HERC1: variants seen among roughly 807,000 people sequenced by gnomAD.
HERC1 encodes the protein HECT and RLD domain containing E3 ubiquitin protein ligase family member 1, also known as probable E3 ubiquitin-protein ligase HERC1.
A neutral mutation model predicts 554.3 loss-of-function variants in HERC1; 160 were observed. The observed-to-expected ratio is 0.29, with a 90% CI of 0.25 to 0.33. The LOEUF (loss-of-function observed/expected upper bound fraction) is 0.33. HERC1 is among the 10% of genes least tolerant of loss of function. HERC1 has a pLI of 1.00. For missense variants in HERC1, 4,919 were observed against 5,918.5 expected (o/e 0.83, Z 5.54); for synonymous variants, 2,175 against 2,131.7 (o/e 1.02, Z -0.56).
chr15:63,671,203 C>CAAAAAAA (rs371521135), intron 39 of HERC1, among the ~76,000 whole-genome samples: 1 of 123,456 alleles, frequency 8.1e-6, no homozygotes, highest in Non-Finnish European at 1.7e-5. Flanking sequence ...AACTTTGTCT[C>CAAAAAAA]AAAAAAAAAA....
At chr15:63,826,814 A>T (rs28454572) in intron 1 of HERC1, among the ~76,000 whole-genome samples, 1,429 of 19,666 alleles carry the variant, frequency 0.073, 99 homozygotes, top group African/African-American at 0.1. Flanking sequence ...AAAAAAAAAA[A>T]ATATATATAT....
Position 63,608,797 on chromosome 15 carries a change from A to C in HERC1, c.*284T>G, listed in dbSNP as rs2067473172. 2.7e-5 allele frequency: 7 copies of C among 261,438 alleles called. No homozygotes were observed. The East Asian group carries it at 5.9e-4, about 22-fold the overall frequency. The allele number at this position is 261,438 out of a possible 1,614,324, so 16.2% of individuals were successfully genotyped here. On this transcript the variant is annotated 3_prime_UTR_variant, in exon 78 of 78. Transcript: ENST00000443617. ...TACAAAAATGTACCATTCCCAACTA[A>C]AAATGCACCAAAATGGTTTCATGCA... is the stretch of plus-strand genomic sequence containing the variant.
chr15:63,749,777 G>T lies in HERC1; in HGVS notation c.1917C>A (p.Gly639=). The T allele has an allele frequency of 6.4e-7, 1 of 1,572,648 alleles. No homozygotes were observed. The highest frequency in any genetic ancestry group is 2.3e-5 in the East Asian group (1 of 42,982). The change falls in exon 9 of 78, where the codon GGC becomes GGA. Residue 639 remains glycine (G), a synonymous_variant. Coordinates refer to ENST00000443617, the MANE Select transcript of HERC1 (RefSeq NM_003922.4). The surrounding 1 kb of genome is among the most constrained non-coding windows in gnomAD (Gnocchi z 4.1). ...AACCACAACCTAGACAAGCTCCACA[G>T]CCCCAAGCATAGACCTGAAAAAAAC... ...LTSTGQVYAW[G]CGACLGCGSS...
chr15:63,806,171 T>TC (rs1775320137), intron 1 of HERC1, among the ~76,000 whole-genome samples: 1 of 152,036 alleles, frequency 6.6e-6, no homozygotes, highest in Admixed American at 6.6e-5. Context: ...AGTGGTTTTT[T>TC]TTTTTTCTCT....
In HERC1 at chr15:63,718,121, C is replaced by CATAT. The variant is rs1555427722; in HGVS notation, c.3978+452_3978+453insATAT. Reference sequence around the variant, plus strand: ...ACACACACACACACACACACACACACACAACCCCCTCCTTGGTTTTCACTT... The same window carrying CATAT: ...ACACACACACACACACACACACACACATATACAACCCCCTCCTTGGTTTTCACTT... On this transcript the variant is annotated intron_variant, in intron 21 of 77. Transcript: ENST00000443617. This position sits in a 1 kb window ranked among gnomAD's most constrained non-coding sequence, Gnocchi z 4.2. Among the ~76,000 whole-genome samples the CATAT allele has an allele frequency of 7.0e-6, 1 of 142,970 alleles. No homozygotes were observed. The highest frequency in any genetic ancestry group is 1.5e-5 in the Non-Finnish European group (1 of 65,130). 93.8% of individuals were successfully genotyped at this position (142,970 alleles called of 152,430 possible).
In HERC1 at chr15:63,656,503, T is replaced by C. The variant is rs929210061; in HGVS notation, c.9600-145A>G. ...CATTAGCCATACATGTCCTAAGAGT[T>C]GCCAAAGGTATCAAGCTGGAAACTG... On this transcript the variant is annotated intron_variant, in intron 48 of 77. Transcript: ENST00000443617. The C allele has an allele frequency of 8.3e-6, 6 of 724,430 alleles. No homozygotes were observed. The African/African-American group carries it at 8.9e-5, about 11-fold the overall frequency. The allele number at this position is 724,430 out of a possible 1,614,324, so 44.9% of individuals were successfully genotyped here. A position where few individuals can be genotyped will look rare whatever the true frequency, so the allele number is the denominator to read the frequency against.
rs1350485005 is a variant in HERC1, at chr15:63,612,681, C to T, written c.14095-125G>A. The T allele has an allele frequency of 1.1e-6, 1 of 872,374 alleles. No individual in the cohort carries two copies. Among genetic ancestry groups the T allele is most frequent in the African/African-American group, 1.7e-5 (1 of 59,148 alleles). The allele number at this position is 872,374 out of a possible 1,614,324, so 54.0% of individuals were successfully genotyped here. On this transcript the variant is annotated intron_variant, in intron 76 of 77. Transcript: ENST00000443617. The surrounding 1 kb of genome is among the most constrained non-coding windows in gnomAD (Gnocchi z 5.0). ...CTCCCCAGACCCTCTACTTGTTTCT[C>T]AGACCGCCAGGCACGAGAGTCAGTC...
chr15:63,738,357 A>T (rs1419357415), intron 12 of HERC1, among the ~76,000 whole-genome samples: 1 of 152,238 alleles, frequency 6.6e-6, no homozygotes, highest in Non-Finnish European at 1.5e-5. Context: ...CCTGCAACAA[A>T]ACAAGGACAT....
chr15:63,661,749 G>C lies in HERC1; in HGVS notation c.9170+4C>G. Reference sequence around the variant, plus strand: ...GTCTGGATATCTACACAATTTCAAGGTACCTTTCAGAACTTGTTGACTTAG... The same window carrying C: ...GTCTGGATATCTACACAATTTCAAGCTACCTTTCAGAACTTGTTGACTTAG... On this transcript the variant is annotated splice_donor_region_variant and intron_variant, in intron 45 of 77. Coordinates refer to ENST00000443617, the MANE Select transcript of HERC1 (RefSeq NM_003922.4). The C allele has an allele frequency of 6.2e-7, 1 of 1,613,526 alleles. No individual in the cohort carries two copies. Among genetic ancestry groups the C allele is most frequent in the Non-Finnish European group, 8.5e-7 (1 of 1,179,552 alleles).
intron 14 of HERC1, among the ~76,000 whole-genome samples, chr15:63,732,060 G>A (rs2074319710): frequency 1.3e-5 from 2 of 152,128 alleles, no homozygotes; most frequent in African/African-American, 4.8e-5. Flanking sequence ...GGAGTGCAGT[G>A]GTGCGACCTC....
chr15:63,652,420 T>C lies in HERC1; in HGVS notation c.10412A>G (p.Asn3471Ser), dbSNP rs2152894551. ...ACGTGATGTTAGCACTCACAATCTG[T>C]TGAACACACAGGTCTGTTGCAGTGA... ...QYSLQQTCVF[N>S]RLEGDAEESL... is the part of the protein sequence containing the mutation. The change falls in exon 52 of 78, where the codon AAC (asparagine) becomes AGC (serine). Residue 3471 changes from asparagine (N) to serine (S), a missense_variant. Coordinates refer to ENST00000443617, the MANE Select transcript of HERC1 (RefSeq NM_003922.4). 1 of 1,612,664 alleles carries C rather than the reference T, an allele frequency of 6.2e-7. No homozygotes were observed. Among genetic ancestry groups the C allele is most frequent in the Admixed American group, 1.7e-5 (1 of 59,964 alleles).
rs75081493 is a variant in HERC1 at position 63,786,620 on chromosome 15, C to T, written c.-26-10971G>A. ...CATGCTATAATTTGAGCCTTGTAAA[C>T]ATTCTGCCAATTGAAAGATGCCAGA... On this transcript the variant is annotated intron_variant, in intron 1 of 77. Transcript: ENST00000443617. Among the ~76,000 whole-genome samples, 1,125 of 152,264 alleles carry T rather than the reference C, an allele frequency of 7.4e-3. 14 individuals are homozygous for T. Among genetic ancestry groups the T allele is most frequent in the African/African-American group, 0.026 (1,083 of 41,552 alleles).
At position 63,758,243 on chromosome 15, in the gene HERC1, A is replaced by C. The variant is rs2142111708; in HGVS notation, c.1153T>G (p.Leu385Val). 1 of 1,613,888 alleles carries C rather than the reference A, an allele frequency of 6.2e-7. No homozygotes were observed. The highest frequency in any genetic ancestry group is 8.5e-7 in the Non-Finnish European group (1 of 1,179,810). Residue 385 changes from leucine to valine, a missense_variant, in exon 4 of 78, where the codon TTG becomes GTG. Leu to Val is a conservative substitution (Grantham distance 32, BLOSUM62 1). Transcript: ENST00000443617. The surrounding 1 kb of genome is among the most constrained non-coding windows in gnomAD (Gnocchi z 4.0). Reference sequence around the variant, plus strand: ...ATTTTCTCCTGTGTACCTTCTACCAACTGATGGCTGCTATTGCTCCCCCAA... The same window carrying C: ...ATTTTCTCCTGTGTACCTTCTACCACCTGATGGCTGCTATTGCTCCCCCAA... ...YVWGSNSSHQLVEGTQEKILQ... is the reference protein window; with the variant it reads ...YVWGSNSSHQVVEGTQEKILQ...
In HERC1 at chr15:63,734,011, A is replaced by G. The variant is rs535589663; in HGVS notation, c.2646+713T>C. 6.6e-6 allele frequency among the ~76,000 whole-genome samples: 1 copy of G among 151,988 alleles called. No homozygotes were observed. Among genetic ancestry groups the G allele is most frequent in the Non-Finnish European group, 1.5e-5 (1 of 67,998 alleles). On this transcript the variant is annotated intron_variant, in intron 13 of 77. Transcript: ENST00000443617. The surrounding 1 kb of genome is among the most constrained non-coding windows in gnomAD (Gnocchi z 4.6). ...GACCCCACCGCTATAAAAATAAGAA[A>G]AAAAAATTAGCCGGGTGTGGTGGCA...
At chr15:63,696,403 C>T in intron 26 of HERC1, 64 bp from the exon 27 acceptor site, 1 of 1,120,412 alleles carries the variant, frequency 8.9e-7, no homozygotes. Flanking sequence ...ACTCTGTATG[C>T]CAAAAACAGT....
chr15:63,609,013 T>C lies in HERC1; in HGVS notation c.*68A>G. ...AACATCTATGTAGTTACCATAAAAG[T>C]ATATCAACATCAAATCAGAAGTGAG... On this transcript the variant is annotated 3_prime_UTR_variant, in exon 78 of 78. Transcript: ENST00000443617. The C allele has an allele frequency of 3.6e-6, 5 of 1,384,400 alleles. No individual in the cohort carries two copies. Among genetic ancestry groups the C allele is most frequent in the Non-Finnish European group, 5.0e-6 (5 of 1,009,064 alleles). The allele number at this position is 1,384,400 out of a possible 1,614,324, so 85.8% of individuals were successfully genotyped here.
At chr15:63,666,227 G>A in intron 41 of HERC1, 77 bp from the exon 42 acceptor site, 1 of 1,397,188 alleles carries the variant, frequency 7.2e-7, no homozygotes, top group South Asian at 1.3e-5. Flanking sequence ...TGTTTGCTAT[G>A]ATGCTCTTGT....
At chr15:63,655,264 G>C (rs539712697) in intron 50 of HERC1, among the ~76,000 whole-genome samples, 2 of 152,320 alleles carry the variant, frequency 1.3e-5, no homozygotes, top group South Asian at 2.1e-4. Flanking sequence ...TGAGGCAGGA[G>C]AATCACTTGA....
intron 27 of HERC1, among the ~76,000 whole-genome samples, chr15:63,695,317 G>A (rs2072340940): frequency 6.6e-6 from 1 of 151,950 alleles, no homozygotes; most frequent in Non-Finnish European, 1.5e-5. Context: ...GACTACAGAT[G>A]GGTGCCACCA....
Sources: gnomAD v4.1 joint callset for allele counts (sites outside exome capture counted in the v4.1 genomes callset) on GRCh38, gnomAD v4.1.1 for gene constraint, Gnocchi (gnomAD v3.1) non-coding constraint, MANE v1.5 for transcripts, NCBI Gene and HGNC (gene_info 2026-07-23, HGNC 2026-07-21) for gene names.